Variants in SLC28A1 observed in about 807,000 individuals in gnomAD.
The protein encoded by SLC28A1 is solute carrier family 28 member 1, also known as sodium/nucleoside cotransporter 1.
In SLC28A1, 64 loss-of-function variants were observed where a neutral mutation model predicts 74.8. The observed-to-expected ratio is 0.86, with a 90% confidence interval of 0.70 to 1.05. The LOEUF is 1.05. Ranked by LOEUF, SLC28A1 falls within the 50% of genes least tolerant of loss-of-function variation. The probability of loss-of-function intolerance (pLI) is 0.00; values close to 1 mark genes in which losing one functional copy is unlikely to be tolerated. For synonymous variants in SLC28A1, 359 were observed against 335.0 expected, an observed-to-expected ratio of 1.07 and a Z score of -0.78; for missense variants, 828 against 822.8, an observed-to-expected ratio of 1.01 and a Z score of -0.08.
chr15:84,906,778 T>C (rs1237589570), intron 8 of SLC28A1, among the ~76,000 whole-genome samples: 4 of 152,014 alleles, frequency 2.6e-5, no homozygotes, highest in Non-Finnish European at 5.9e-5. Context: ...TGGTAAAATA[T>C]ACATAACATA....
At chr15:84,960,727 G>A in the SLC28A1 span, among the ~76,000 whole-genome samples, 2 of 152,302 alleles carry the variant, frequency 1.3e-5, no homozygotes, top group African/African-American at 4.8e-5. Flanking sequence ...TGCAGTAATA[G>A]GTGCCTCCAG....
At chr15:84,949,413 G>A (rs2079340419), downstream of SLC28A1, among the ~76,000 whole-genome samples, 1 of 151,996 alleles carries the variant, frequency 6.6e-6, no homozygotes, top group Non-Finnish European at 1.5e-5. Context: ...TTGAGATGGG[G>A]CCTCTGTTGC....
At chr15:84,911,484 C>T (rs1372341533) in intron 9 of SLC28A1, among the ~76,000 whole-genome samples, 1 of 152,216 alleles carries the variant, frequency 6.6e-6, no homozygotes, top group Non-Finnish European at 1.5e-5. Context: ...TATTCTTCCT[C>T]ATACTATCAG....
chr15:84,927,344 A>G (rs564303312), intron 12 of SLC28A1, among the ~76,000 whole-genome samples: 1 of 152,358 alleles, frequency 6.6e-6, no homozygotes, highest in Admixed American at 6.5e-5. Flanking sequence ...AGACCCAAAG[A>G]TACAGGGAAA....
the SLC28A1 span, among the ~76,000 whole-genome samples, chr15:84,959,972 G>T: frequency 0.025 from 3,769 of 152,186 alleles, 170 homozygotes; most frequent in African/African-American, 0.084. Flanking sequence ...TGAGATAACT[G>T]GGCTGAGACC....
Position 84,944,654 on chromosome 15 carries a change from C to T in SLC28A1, c.1752C>T (p.Ala584=), listed in dbSNP as rs1973111816. Residue 584 remains alanine, a synonymous_variant, in exon 17 of 19, where the codon GCC becomes GCT. Transcript: ENST00000394573. The part of the protein sequence containing the change: ...FTGACVSLVN[A]CMAGILYMPR... ...GAGCCTGTGTGTCCCTGGTGAACGC[C>T]TGTATGGCAGGTGAGTGCAGGCCTG... 19 of 1,613,428 alleles carry T rather than the reference C, an allele frequency of 1.2e-5. No homozygotes were observed. The highest frequency in any genetic ancestry group is 2.7e-5 in the African/African-American group (2 of 74,914).
intron 5 of SLC28A1, among the ~76,000 whole-genome samples, chr15:84,892,720 G>A (rs1965495645): frequency 6.6e-6 from 1 of 152,200 alleles, no homozygotes; most frequent in Admixed American, 6.5e-5. Context: ...ATAGAGAAAT[G>A]AGGCTCATAT....
intron 5 of SLC28A1, among the ~76,000 whole-genome samples, 182 bp from the exon 6 acceptor site, chr15:84,894,758 C>T (rs1001755424): frequency 6.6e-5 from 10 of 152,230 alleles, no homozygotes; most frequent in Non-Finnish European, 1.5e-5. Context: ...CTCCTAACTA[C>T]TTTTTGGCAC....
chr15:84,900,400 T>C (rs1412849337), intron 6 of SLC28A1, among the ~76,000 whole-genome samples: 1 of 35,800 alleles, frequency 2.8e-5, no homozygotes, highest in Non-Finnish European at 5.0e-5. Context: ...AGACACTGTC[T>C]CAAAAAAAAA....
At position 84,935,112 on chromosome 15, in the gene SLC28A1, C is replaced by T. The variant is rs141441409; in HGVS notation, c.1301C>T (p.Ala434Val). 1.4e-5 allele frequency: 23 copies of T among 1,614,076 alleles called. No homozygotes were observed. The highest frequency in any genetic ancestry group is 5.5e-5 in the South Asian group (5 of 91,074). The change falls in exon 14 of 19, where the codon GCG becomes GTG. Residue 434 changes from alanine (A) to valine (V), a missense_variant. Around this residue, in one of 3 missense-constraint regions of SLC28A1, gnomAD observed 767 missense variants for 753.5 expected, o/e 1.02. Transcript: ENST00000394573. ...GCCAACATCGCTGCCAACCTGATTG[C>T]GTTCCTGGCTGTGCTGGACTTTATC... ...VVANIAANLI[A>V]FLAVLDFINA...
At chr15:84,914,273 T>G (rs1013202830) in intron 9 of SLC28A1, among the ~76,000 whole-genome samples, 2 of 152,218 alleles carry the variant, frequency 1.3e-5, no homozygotes. Context: ...ATCCCATTCA[T>G]GAGGGCTCCA....
At position 84,945,242 on chromosome 15, in the gene SLC28A1, C is replaced by A; in HGVS notation, c.*42C>A. The A allele has an allele frequency of 6.3e-7, 1 of 1,579,614 alleles. No homozygotes were observed. The highest frequency in any genetic ancestry group is 8.7e-7 in the Non-Finnish European group (1 of 1,148,744). On this transcript the variant is annotated 3_prime_UTR_variant, in exon 19 of 19. Transcript: ENST00000394573. ...TGCTTCTGCGCTTCTGAGGGCTGTT[C>A]TCCCCCGGGAACCATCTGTCCCCAC... is the stretch of plus-strand genomic sequence containing the variant.
At chr15:84,901,283 G>A (rs987358894) in intron 6 of SLC28A1, among the ~76,000 whole-genome samples, 10 of 152,186 alleles carry the variant, frequency 6.6e-5, no homozygotes, top group South Asian at 2.1e-4. Flanking sequence ...AGGGTGGGTG[G>A]ATCCCCTGAG....
chr15:84,908,665 C>T, intron 8 of SLC28A1, 53 bp from the exon 9 acceptor site: 2 of 1,490,954 alleles, frequency 1.3e-6, no homozygotes, highest in Non-Finnish European at 1.9e-6. Context: ...TTCCTCCCTC[C>T]TCCCTTCCCA....
Position 84,886,162 on chromosome 15 carries a change from G to A in SLC28A1, c.-132-510G>A, listed in dbSNP as rs112759496. ...TCATTTAACAAAGATGAAATGAAGG[G>A]GAAATGGTGTGATTTGGTTTTGTTT... On this transcript the variant is annotated intron_variant, in intron 1 of 18. Transcript: ENST00000394573. 15 of 985,314 alleles carry A rather than the reference G, an allele frequency of 1.5e-5. No individual in the cohort carries two copies. In the African/African-American group the frequency reaches 1.9e-4, roughly 13 times the overall value. 61.0% of individuals were successfully genotyped at this position (985,314 alleles called of 1,614,324 possible).
intron 9 of SLC28A1, among the ~76,000 whole-genome samples, chr15:84,916,240 C>CAGGTGTGAGCCACCACGCCTGGCCTTT (rs1555449976): frequency 1.0e-5 from 1 of 98,424 alleles, no homozygotes; most frequent in South Asian, 4.3e-4. Context: ...GCTGGGATTA[C>CAGGTGTGAGCCACCACGCCTGGCCTTT]TTTTTTTTTT....
chr15:84,957,912 A>G, the SLC28A1 span, among the ~76,000 whole-genome samples: 18,364 of 152,158 alleles, frequency 0.12, 1,798 homozygotes, highest in African/African-American at 0.27. Context: ...TGAGGGGTAC[A>G]TCCAGTTTAA....
At chr15:84,939,552 A>G (rs1972397957) in intron 15 of SLC28A1, 2 of 152,148 alleles carry the variant, frequency 1.3e-5, no homozygotes, top group Admixed American at 1.3e-4. Context: ...TTTTCTACAT[A>G]TACTTTTCCT....
chr15:84,962,768 G>A, the SLC28A1 span, among the ~76,000 whole-genome samples: 4 of 152,172 alleles, frequency 2.6e-5, no homozygotes, highest in African/African-American at 9.7e-5. Context: ...GAAGGGAAAG[G>A]GGCAGAGTGT....
Sources: gnomAD v4.1 joint callset for allele counts (sites outside exome capture counted in the v4.1 genomes callset) on GRCh38, gnomAD v4.1.1 for gene constraint, gnomAD v4.1.1 regional missense constraint, MANE v1.5 for transcripts, NCBI Gene and HGNC (gene_info 2026-07-23, HGNC 2026-07-21) for gene names.